Variants in MAP2K6 observed in about 807,000 individuals in gnomAD.
The protein encoded by MAP2K6 is dual specificity mitogen-activated protein kinase kinase 6.
Under a neutral mutation model 53.7 loss-of-function variants are expected in MAP2K6, and 16 were observed. That is an observed-to-expected ratio of 0.30 (90% confidence interval 0.20 to 0.45). The LOEUF (loss-of-function observed/expected upper bound fraction) is 0.45. MAP2K6 is among the 20% of genes least tolerant of loss of function. MAP2K6 has a pLI of 1.00. For synonymous variants in MAP2K6, 132 were observed against 143.1 expected, an observed-to-expected ratio of 0.92 and a Z score of 0.55; for missense variants, 204 against 411.9, an observed-to-expected ratio of 0.50 and a Z score of 4.37.
chr17:69,457,831 G>A (rs7212446), intron 1 of MAP2K6, among the ~76,000 whole-genome samples: 35,982 of 151,724 alleles, frequency 0.24, 4,390 homozygotes, highest in Middle Eastern at 0.28. Context: ...CAAAACAAAA[G>A]AGGCAGGATC....
chr17:69,451,046 A>C (rs1486000553), intron 1 of MAP2K6, among the ~76,000 whole-genome samples: 1 of 152,228 alleles, frequency 6.6e-6, no homozygotes, highest in African/African-American at 2.4e-5. Context: ...TACTCTAGAC[A>C]GAGAAAACAG....
intron 1 of MAP2K6, among the ~76,000 whole-genome samples, chr17:69,483,211 A>C (rs901569180): frequency 1.3e-5 from 2 of 151,824 alleles, no homozygotes; most frequent in African/African-American, 4.8e-5. Context: ...ATTCTAAGGA[A>C]CCCACTAAGA....
intron 1 of MAP2K6, chr17:69,502,721 G>A (rs1239976808): frequency 1.0e-6 from 1 of 985,176 alleles, no homozygotes; most frequent in Non-Finnish European, 1.2e-6. Flanking sequence ...CTGTGGGGGT[G>A]GCTGGGTGTA....
At position 69,552,931 on chromosome 17, in the gene MAP2K6, C is replaced by T. The variant is rs1912158743; in HGVS notation, c.*11178C>T. 1 of 152,042 alleles carries T rather than the reference C, an allele frequency of 6.6e-6. No individual in the cohort carries two copies. The highest frequency in any genetic ancestry group is 2.4e-5 in the African/African-American group (1 of 41,368). 9.4% of individuals were successfully genotyped at this position (152,042 alleles called of 1,614,324 possible). A position where few individuals can be genotyped will look rare whatever the true frequency, so the allele number is the denominator to read the frequency against. On this transcript the variant is annotated 3_prime_UTR_variant, in exon 12 of 12. Coordinates refer to ENST00000590474, the MANE Select transcript of MAP2K6 (RefSeq NM_002758.4). Reference sequence around the variant, plus strand: ...CAAAGCCAAGGAAATAGCCAGTATGCAGGACTTGCAGTAGATATAAGCATT... The same window carrying T: ...CAAAGCCAAGGAAATAGCCAGTATGTAGGACTTGCAGTAGATATAAGCATT...
At chr17:69,513,979 G>A (rs1055103231) in intron 2 of MAP2K6, among the ~76,000 whole-genome samples, 2 of 152,004 alleles carry the variant, frequency 1.3e-5, no homozygotes, top group Non-Finnish European at 2.9e-5. Context: ...GCCAGGTGTG[G>A]TGCCTGTAAT....
intron 1 of MAP2K6, among the ~76,000 whole-genome samples, chr17:69,471,318 A>G (rs1358120502): frequency 6.6e-6 from 1 of 152,176 alleles, no homozygotes; most frequent in East Asian, 1.9e-4. Flanking sequence ...GTGTATATAT[A>G]TGCCATGGAA....
At chr17:69,509,016 G>A (rs1027479719) in intron 2 of MAP2K6, among the ~76,000 whole-genome samples, 1 of 152,174 alleles carries the variant, frequency 6.6e-6, no homozygotes, top group Non-Finnish European at 1.5e-5. Context: ...TACCACAGCT[G>A]TAGAGTAAGT....
intron 1 of MAP2K6, among the ~76,000 whole-genome samples, chr17:69,479,360 T>C (rs1223429694): frequency 6.6e-6 from 1 of 152,158 alleles, no homozygotes; most frequent in Admixed American, 6.6e-5. Flanking sequence ...CACACTCGGG[T>C]ACTTAACACA....
chr17:69,526,729 C>A lies in MAP2K6; in HGVS notation c.881+20C>A. ...ACAGTGGTAAGACAGCCTCACCTCC[C>A]AAGTGTCAGTGTGAAAGAAGAAGAT... is the stretch of plus-strand genomic sequence containing the variant. On this transcript the variant is annotated intron_variant, in intron 10 of 11. Transcript: ENST00000590474. 1 of 1,607,656 alleles carries A rather than the reference C, an allele frequency of 6.2e-7. No homozygotes were observed. Among genetic ancestry groups the A allele is most frequent in the Non-Finnish European group, 8.5e-7 (1 of 1,179,026 alleles).
chr17:69,432,410 C>A (rs945251260), intron 1 of MAP2K6, among the ~76,000 whole-genome samples: 2 of 152,154 alleles, frequency 1.3e-5, no homozygotes, highest in African/African-American at 4.8e-5. Flanking sequence ...CCCAAATGCC[C>A]ATCAATGATA....
intron 1 of MAP2K6, among the ~76,000 whole-genome samples, chr17:69,485,726 G>T (rs575890719): frequency 1.3e-5 from 2 of 152,172 alleles, no homozygotes; most frequent in African/African-American, 4.8e-5. Flanking sequence ...TGTCTCTGAG[G>T]CTACCTGTCT....
chr17:69,449,665 T>A (rs1358488931), intron 1 of MAP2K6, among the ~76,000 whole-genome samples: 2 of 139,034 alleles, frequency 1.4e-5, no homozygotes, highest in Non-Finnish European at 3.0e-5. Context: ...CAGGCTAGAG[T>A]GCAGTGGCGC....
intron 2 of MAP2K6, among the ~76,000 whole-genome samples, chr17:69,512,328 G>GTTTTTA (rs1909869183): frequency 1.3e-5 from 1 of 75,184 alleles, no homozygotes; most frequent in Non-Finnish European, 2.6e-5. Context: ...CTTTCTAAGT[G>GTTTTTA]TTTTTTTTTT....
In MAP2K6 at chr17:69,543,312, C is replaced by G. The variant is rs1221443882; in HGVS notation, c.*1559C>G. 1.3e-5 allele frequency: 2 copies of G among 152,112 alleles called. No homozygotes were observed. Among genetic ancestry groups the G allele is most frequent in the Non-Finnish European group, 2.9e-5 (2 of 68,006 alleles). 9.4% of individuals were successfully genotyped at this position (152,112 alleles called of 1,614,324 possible). On this transcript the variant is annotated 3_prime_UTR_variant, in exon 12 of 12. Transcript: ENST00000590474. ...GGAGAGGATTGCTTCCCTGAATCCT[C>G]TCTTCCTTCCCCTTTTAGATTTTGA...
chr17:69,537,967 A>T (rs1190158393), intron 11 of MAP2K6, among the ~76,000 whole-genome samples: 2 of 152,228 alleles, frequency 1.3e-5, no homozygotes, highest in Non-Finnish European at 2.9e-5. Context: ...TATAAAATAC[A>T]GTAGATATAC....
intron 1 of MAP2K6, among the ~76,000 whole-genome samples, chr17:69,497,925 C>G (rs1909007737): frequency 1.3e-5 from 2 of 152,072 alleles, no homozygotes; most frequent in Non-Finnish European, 2.9e-5. Flanking sequence ...AGGGCCACTT[C>G]AAATACCACT....
intron 1 of MAP2K6, among the ~76,000 whole-genome samples, chr17:69,489,839 G>A (rs1228048457): frequency 6.6e-6 from 1 of 152,184 alleles, no homozygotes; most frequent in Non-Finnish European, 1.5e-5. Flanking sequence ...GTCACCAGTG[G>A]GAAATGCGCT....
intron 9 of MAP2K6, 21 bp downstream of exon 9, chr17:69,524,999 T>C (rs1464910273): frequency 6.3e-7 from 1 of 1,596,806 alleles, no homozygotes; most frequent in Non-Finnish European, 8.6e-7. Context: ...CCAATCATCA[T>C]GAACTATGAG....
chr17:69,511,393 C>T (rs1344922277), intron 2 of MAP2K6, among the ~76,000 whole-genome samples: 3 of 152,092 alleles, frequency 2.0e-5, no homozygotes, highest in Non-Finnish European at 4.4e-5. Flanking sequence ...CCATTCATAC[C>T]CTGCCTCCTT....
Sources: gnomAD v4.1 joint callset for allele counts (sites outside exome capture counted in the v4.1 genomes callset) on GRCh38, gnomAD v4.1.1 for gene constraint, MANE v1.5 for transcripts, NCBI Gene and HGNC (gene_info 2026-07-23, HGNC 2026-07-21) for gene names.